The following VTA1 variants were observed in gnomAD, a reference collection of about 807,000 sequenced individuals.
VTA1 encodes the protein vacuolar protein sorting-associated protein VTA1 homolog.
A neutral mutation model predicts 36.9 loss-of-function variants in VTA1; 24 were observed. The ratio of observed to expected loss-of-function variants is 0.65; its 90% CI spans 0.47 to 0.91. The LOEUF is 0.91. Among genes scored for constraint, VTA1 ranks in the 40% least tolerant of loss-of-function variants. The pLI is 0.00. For synonymous variants in VTA1, 142 were observed against 130.2 expected (o/e 1.09, Z -0.62); for missense variants, 393 against 377.2 (o/e 1.04, Z -0.35).
At chr6:142,213,226 C>G (rs550224657) in intron 7 of VTA1, among the ~76,000 whole-genome samples, 4 of 152,346 alleles carry the variant, frequency 2.6e-5, no homozygotes, top group African/African-American at 9.6e-5. Flanking sequence ...CCATGCAAGT[C>G]TGAAGCCCAC....
chr6:142,149,600 T>A (rs1272769575), intron 1 of VTA1, among the ~76,000 whole-genome samples: 1 of 152,226 alleles, frequency 6.6e-6, no homozygotes, highest in Admixed American at 6.5e-5. Flanking sequence ...CTTAATAATG[T>A]TAGATGTTAA....
intron 4 of VTA1, 106 bp downstream of exon 4, chr6:142,170,527 T>C: frequency 1.4e-6 from 1 of 720,124 alleles, no homozygotes; most frequent in Non-Finnish European, 2.1e-6. Flanking sequence ...CTGTCAGAAA[T>C]TAATGCAAGC....
At chr6:142,157,020 C>T (rs933523353) in intron 1 of VTA1, among the ~76,000 whole-genome samples, 3 of 152,114 alleles carry the variant, frequency 2.0e-5, no homozygotes, top group Non-Finnish European at 4.4e-5. Flanking sequence ...AAAAATTAGC[C>T]GGGCGTGGTA....
intron 1 of VTA1, among the ~76,000 whole-genome samples, chr6:142,151,111 C>G (rs553707035): frequency 6.6e-6 from 1 of 151,928 alleles, no homozygotes; most frequent in South Asian, 2.1e-4. Flanking sequence ...AGTTATTCTG[C>G]GATATTAGCA....
intron 4 of VTA1, among the ~76,000 whole-genome samples, chr6:142,181,118 C>T (rs9496291): frequency 0.059 from 3,516 of 59,522 alleles, 152 homozygotes; most frequent in African/African-American, 0.12. Flanking sequence ...TATATATATA[C>T]ACACACACAC....
intron 6 of VTA1, among the ~76,000 whole-genome samples, chr6:142,200,789 C>T (rs1430425298): frequency 6.6e-6 from 1 of 151,630 alleles, no homozygotes; most frequent in Non-Finnish European, 1.5e-5. Flanking sequence ...TCTTTTGTTC[C>T]TTAGAGGGAA....
chr6:142,163,570 A>G (rs1159336622), intron 1 of VTA1, among the ~76,000 whole-genome samples: 1 of 152,136 alleles, frequency 6.6e-6, no homozygotes, highest in Non-Finnish European at 1.5e-5. Flanking sequence ...CTGCAAATAC[A>G]ATGATTTCTT....
intron 7 of VTA1, among the ~76,000 whole-genome samples, chr6:142,207,594 A>C (rs952432811): frequency 1.3e-5 from 2 of 152,122 alleles, no homozygotes; most frequent in African/African-American, 4.8e-5. Flanking sequence ...ACCTGGGCTT[A>C]TGGCGCCACC....
chr6:142,168,282 T>G (rs1002429108), intron 2 of VTA1, among the ~76,000 whole-genome samples: 1 of 152,178 alleles, frequency 6.6e-6, no homozygotes. Flanking sequence ...TTTTCTTTTT[T>G]CTGTTCTTGT....
chr6:142,191,995 A>G (rs556235971), intron 5 of VTA1, among the ~76,000 whole-genome samples: 1 of 152,230 alleles, frequency 6.6e-6, no homozygotes, highest in Admixed American at 6.5e-5. Context: ...GTAGAAAATA[A>G]TAGATATTGT....
Position 142,191,731 on chromosome 6 carries a change from G to A in VTA1, c.520+2197G>A, listed in dbSNP as rs534324061. On this transcript the variant is annotated intron_variant, in intron 5 of 7. Coordinates refer to ENST00000367630, the MANE Select transcript of VTA1 (RefSeq NM_016485.5). ...AACATAACCTGTTGTCATAATCAGG[G>A]CTTAATGTCATAACCTCTAATAATG... 5.9e-5 allele frequency among the ~76,000 whole-genome samples: 9 copies of A among 152,054 alleles called. No individual in the cohort carries two copies. In the East Asian group the frequency reaches 1.5e-3, roughly 26 times the overall value.
At chr6:142,171,209 C>T (rs749077320) in intron 4 of VTA1, among the ~76,000 whole-genome samples, 3 of 152,138 alleles carry the variant, frequency 2.0e-5, no homozygotes, top group Admixed American at 6.5e-5. Flanking sequence ...ATTCTCCTGC[C>T]TCAGTCTCCC....
At chr6:142,156,483 CTT>C (rs1778664926) in intron 1 of VTA1, among the ~76,000 whole-genome samples, 2 of 152,124 alleles carry the variant, frequency 1.3e-5, no homozygotes, top group African/African-American at 4.8e-5. Flanking sequence ...ATATTTGAAT[CTT>C]TACTAAAAGT....
intron 1 of VTA1, 58 bp from the exon 2 acceptor site, chr6:142,166,168 ACT>A (rs1225062674): frequency 5.6e-6 from 6 of 1,071,440 alleles, no homozygotes; most frequent in East Asian, 2.6e-5. Flanking sequence ...TATTTTAAAC[ACT>A]CATAAACATG....
At position 142,221,945 on chromosome 6, in the gene VTA1, TG is replaced by T. The variant is rs1326623505; in HGVS notation, c.*3305del. ...GAGATCGTGCCACTGCACTCCAGCC[TG>T]GGCGACAGAGCGAGACTCCTTCTCA... On this transcript the variant is annotated 3_prime_UTR_variant, in exon 8 of 8. Transcript: ENST00000367630. 6.6e-6 allele frequency: 1 copy of T among 150,828 alleles called. No individual in the cohort carries two copies. Among genetic ancestry groups the T allele is most frequent in the African/African-American group, 2.4e-5 (1 of 40,914 alleles). 9.3% of individuals were successfully genotyped at this position (150,828 alleles called of 1,614,324 possible).
At chr6:142,180,617 A>G (rs1459050999) in intron 4 of VTA1, among the ~76,000 whole-genome samples, 3 of 152,204 alleles carry the variant, frequency 2.0e-5, no homozygotes, top group African/African-American at 7.2e-5. Context: ...TATCAGAGGA[A>G]AATAGTAATT....
At chr6:142,197,167 A>G (rs886169469) in intron 5 of VTA1, among the ~76,000 whole-genome samples, 1 of 152,142 alleles carries the variant, frequency 6.6e-6, no homozygotes, top group African/African-American at 2.4e-5. Flanking sequence ...TTTCTTTCCC[A>G]GAATGTATAA....
At chr6:142,178,006 G>A (rs1253166781) in intron 4 of VTA1, among the ~76,000 whole-genome samples, 1 of 152,036 alleles carries the variant, frequency 6.6e-6, no homozygotes, top group Non-Finnish European at 1.5e-5. Context: ...AAGAAAACGA[G>A]TACAAAAAGA....
intron 2 of VTA1, among the ~76,000 whole-genome samples, chr6:142,168,472 T>C (rs1774963419): frequency 6.6e-6 from 1 of 151,952 alleles, no homozygotes; most frequent in African/African-American, 2.4e-5. Context: ...TTTAATTAAC[T>C]AGTTTGATGC....
Sources: allele counts gnomAD v4.1 joint callset (sites outside exome capture counted in the v4.1 genomes callset), GRCh38; gene constraint gnomAD v4.1.1; transcripts MANE v1.5; gene names NCBI Gene and HGNC (gene_info 2026-07-23, HGNC 2026-07-21).